The following CPQ variants were observed in gnomAD, a reference collection of about 807,000 sequenced individuals.
CPQ encodes Ser-Met dipeptidase.
Under a neutral mutation model 45.7 loss-of-function variants are expected in CPQ, and 37 were observed. The observed-to-expected ratio is 0.81, with a 90% CI of 0.62 to 1.07. CPQ has a LOEUF of 1.07. Among genes scored for constraint, CPQ ranks in the 50% least tolerant of loss-of-function variants. The pLI, the probability that CPQ is intolerant of heterozygous loss-of-function variation, is 0.00. For synonymous variants in CPQ, 186 were observed against 205.8 expected, an observed-to-expected ratio of 0.90 and a Z score of 0.82; for missense variants, 537 against 572.9, an observed-to-expected ratio of 0.94 and a Z score of 0.64.
chr8:97,143,372 C>G lies in CPQ; in HGVS notation c.*189C>G. The G allele has an allele frequency of 1.8e-6, 1 of 563,278 alleles. No individual in the cohort carries two copies. The highest frequency in any genetic ancestry group is 3.1e-6 in the Non-Finnish European group (1 of 322,984). The allele number at this position is 563,278 out of a possible 1,614,324, so 34.9% of individuals were successfully genotyped here. On this transcript the variant is annotated 3_prime_UTR_variant, in exon 8 of 8. Transcript: ENST00000220763. Reference sequence around the variant, plus strand: ...GATTCTAGAAAAAGGAATCATTCTCCCCTCCCTCCCACCACATAGAATCAA... The same window carrying G: ...GATTCTAGAAAAAGGAATCATTCTCGCCTCCCTCCCACCACATAGAATCAA...
At chr8:97,133,388 A>G (rs1811993734) in intron 7 of CPQ, 1 of 152,212 alleles carries the variant, frequency 6.6e-6, no homozygotes, top group African/African-American at 2.4e-5. Flanking sequence ...TGTGTATAAA[A>G]TCATGAATGG....
intron 3 of CPQ, among the ~76,000 whole-genome samples, chr8:96,839,156 A>T (rs181583748): frequency 5.8e-4 from 88 of 151,992 alleles, no homozygotes; most frequent in Admixed American, 1.2e-3. Flanking sequence ...AATCCCCTGG[A>T]GGGTAGTTTG....
chr8:96,663,778 C>G (rs1186926113), intron 1 of CPQ, among the ~76,000 whole-genome samples: 1 of 151,746 alleles, frequency 6.6e-6, no homozygotes, highest in Non-Finnish European at 1.5e-5. Context: ...GTGTGTGTGT[C>G]ATCATCTCTG....
intron 3 of CPQ, among the ~76,000 whole-genome samples, chr8:96,839,199 T>C (rs1811572308): frequency 6.6e-6 from 1 of 152,114 alleles, no homozygotes; most frequent in Admixed American, 6.6e-5. Context: ...CTTTGTGGTG[T>C]AATCATCAAT....
intron 1 of CPQ, among the ~76,000 whole-genome samples, chr8:96,743,963 A>G (rs376272587): frequency 6.6e-6 from 1 of 152,230 alleles, no homozygotes; most frequent in African/African-American, 2.4e-5. Context: ...GGTGGAGCCT[A>G]CAGAGGCAGG....
intron 1 of CPQ, among the ~76,000 whole-genome samples, chr8:96,753,550 A>G (rs1810290118): frequency 1.4e-5 from 2 of 139,350 alleles, no homozygotes; most frequent in Non-Finnish European, 3.3e-5. Context: ...TTACTTAAGA[A>G]ATTTATAGTT....
chr8:96,761,818 T>C (rs939054664), intron 1 of CPQ, among the ~76,000 whole-genome samples: 1 of 152,246 alleles, frequency 6.6e-6, no homozygotes, highest in African/African-American at 2.4e-5. Context: ...CCTCCGCTAA[T>C]AGCGTCAAAC....
At chr8:96,966,797 A>G (rs1212596551) in intron 5 of CPQ, among the ~76,000 whole-genome samples, 2 of 152,218 alleles carry the variant, frequency 1.3e-5, no homozygotes, top group African/African-American at 4.8e-5. Flanking sequence ...ATACACTTTT[A>G]CCATAATTAC....
chr8:96,884,852 A>G (rs1461788739), intron 4 of CPQ, among the ~76,000 whole-genome samples: 1 of 152,174 alleles, frequency 6.6e-6, no homozygotes, highest in African/African-American at 2.4e-5. Context: ...CAACCTTGCT[A>G]CTTTGCTCCA....
chr8:97,104,087 T>G (rs1212600058), intron 7 of CPQ, among the ~76,000 whole-genome samples: 2 of 152,202 alleles, frequency 1.3e-5, no homozygotes, highest in East Asian at 3.9e-4. Flanking sequence ...GAGAATCACA[T>G]GCTAAAGCAC....
At chr8:96,994,721 A>G (rs1809149560) in intron 5 of CPQ, among the ~76,000 whole-genome samples, 1 of 152,130 alleles carries the variant, frequency 6.6e-6, no homozygotes, top group East Asian at 1.9e-4. Context: ...TGTCTGGGAC[A>G]GTCCCAATTT....
rs80254174 is a variant in CPQ at position 97,046,585 on chromosome 8, G to C, written c.1053+17091G>C. ...CAGAATTTCTGTTACTAGTTAAAAC[G>C]GGAGTGTAATTTGCTTTTATGGATT... On this transcript the variant is annotated intron_variant, in intron 6 of 7. Coordinates refer to ENST00000220763, the MANE Select transcript of CPQ (RefSeq NM_016134.4). Among the ~76,000 whole-genome samples the C allele has an allele frequency of 6.6e-3, 1,005 of 152,240 alleles. 6 individuals are homozygous for C. Among genetic ancestry groups the C allele is most frequent in the Non-Finnish European group, 0.011 (757 of 68,004 alleles).
chr8:97,078,885 A>G (rs956185963), intron 7 of CPQ, among the ~76,000 whole-genome samples: 1 of 150,742 alleles, frequency 6.6e-6, no homozygotes, highest in Admixed American at 6.6e-5. Flanking sequence ...GCAACCTCAA[A>G]CTCCTGTGCT....
At chr8:96,728,221 G>T (rs1443389334) in intron 1 of CPQ, among the ~76,000 whole-genome samples, 3 of 152,100 alleles carry the variant, frequency 2.0e-5, no homozygotes, top group Non-Finnish European at 2.9e-5. Flanking sequence ...CTGGTTCTTG[G>T]AGGCCTGACT....
intron 1 of CPQ, among the ~76,000 whole-genome samples, chr8:96,650,056 A>G (rs1815560574): frequency 6.6e-6 from 1 of 152,244 alleles, no homozygotes. Flanking sequence ...TACAGAGAAG[A>G]AATTTGAGCT....
chr8:97,021,274 T>A (rs2130455237), intron 5 of CPQ, among the ~76,000 whole-genome samples: 1 of 152,210 alleles, frequency 6.6e-6, no homozygotes, highest in East Asian at 1.9e-4. Context: ...TAATACTGAA[T>A]GGGGAAAAGT....
rs1812673105 is a variant in CPQ at position 96,912,159 on chromosome 8, G to T, written c.849+32154G>T. On this transcript the variant is annotated intron_variant, in intron 4 of 7. Transcript: ENST00000220763. The stretch of plus-strand genomic sequence containing the variant: ...TTCTCTTATTAGGAAGCTTTAGCTG[G>T]ACAAAGGTCATTCAGGATTATTTTA... Among the ~76,000 whole-genome samples the T allele has an allele frequency of 3.9e-5, 6 of 152,290 alleles. No homozygotes were observed. The South Asian group carries it at 1.2e-3, about 32-fold the overall frequency.
intron 1 of CPQ, chr8:96,761,200 G>A (rs187620639): frequency 4.6e-5 from 7 of 152,276 alleles, no homozygotes; most frequent in African/African-American, 1.4e-4. Flanking sequence ...GAGCACAAAC[G>A]GCTGTGCTGG....
intron 7 of CPQ, among the ~76,000 whole-genome samples, chr8:97,081,048 A>T (rs1313606897): frequency 2.0e-5 from 3 of 152,152 alleles, no homozygotes; most frequent in Non-Finnish European, 4.4e-5. Flanking sequence ...ACCAATACTC[A>T]TTTTTGGAAG....
Sources: allele counts gnomAD v4.1 joint callset (sites outside exome capture counted in the v4.1 genomes callset), GRCh38; gene constraint gnomAD v4.1.1; transcripts MANE v1.5; gene names NCBI Gene and HGNC (gene_info 2026-07-23, HGNC 2026-07-21).